Variants in DNAH2 observed in about 807,000 individuals in gnomAD.
DNAH2 encodes the protein dynein axonemal heavy chain 2, also known as axonemal beta dynein heavy chain 2.
DNAH2 carries 323 observed loss-of-function variants against 523.5 expected under a neutral mutation model. That is an observed-to-expected ratio of 0.62 (90% confidence interval 0.56 to 0.68). The LOEUF (loss-of-function observed/expected upper bound fraction) is 0.68, where lower values mean the gene tolerates loss of function less well. DNAH2 is among the 30% of genes least tolerant of loss of function. DNAH2 has a pLI of 0.00. For synonymous variants in DNAH2, 2,093 were observed against 2,177.4 expected, an observed-to-expected ratio of 0.96 and a Z score of 1.08; for missense variants, 4,907 against 5,701.5, an observed-to-expected ratio of 0.86 and a Z score of 4.49.
chr17:7,824,554 G>T lies in DNAH2; in HGVS notation c.11680G>T (p.Ala3894Ser). ...GVTQGHWVFL[A>S]NCHLSLSWMP... ...CCTTGCAGGACACTGGGTGTTCCTG[G>T]CAAACTGCCACCTGTCACTGTCTTG... Residue 3894 changes from alanine (A) to serine (S), a missense_variant, in exon 77 of 86, where the codon GCA becomes TCA. Ala to Ser is a moderately conservative substitution (Grantham distance 99, BLOSUM62 1). Coordinates refer to ENST00000572933, the MANE Select transcript of DNAH2 (RefSeq NM_020877.5). The T allele has an allele frequency of 6.4e-7, 1 of 1,565,556 alleles. No individual in the cohort carries two copies. The highest frequency in any genetic ancestry group is 8.7e-7 in the Non-Finnish European group (1 of 1,148,144).
At chr17:7,772,394 G>T (rs544167141) in intron 28 of DNAH2, among the ~76,000 whole-genome samples, 1 of 152,270 alleles carries the variant, frequency 6.6e-6, no homozygotes, top group South Asian at 2.1e-4. Flanking sequence ...TGAAATAATT[G>T]ACAGAATTAT....
At position 7,786,501 on chromosome 17, in the gene DNAH2, GA is replaced by G; in HGVS notation, c.6349-68del. Reference sequence around the variant, plus strand: ...AGAAGGGACAAATGCACGTACCTAAGAGGGGTCTGGAAATAAAGAGGGGTTT... The same window carrying G: ...AGAAGGGACAAATGCACGTACCTAAGGGGGTCTGGAAATAAAGAGGGGTTT... On this transcript the variant is annotated intron_variant, in intron 40 of 85. Coordinates refer to ENST00000572933, the MANE Select transcript of DNAH2 (RefSeq NM_020877.5). The surrounding 1 kb of genome is among the most constrained non-coding windows in gnomAD (Gnocchi z 7.5). The G allele has an allele frequency of 6.6e-7, 1 of 1,507,848 alleles. No individual in the cohort carries two copies. The highest frequency in any genetic ancestry group is 1.2e-5 in the South Asian group (1 of 86,922). 93.4% of individuals were successfully genotyped at this position (1,507,848 alleles called of 1,614,324 possible).
chr17:7,719,850 C>G lies in DNAH2; in HGVS notation c.116C>G (p.Pro39Arg). The change falls in exon 2 of 86, where the codon CCG (proline) becomes CGG (arginine). Residue 39 changes from proline (P) to arginine (R), a missense_variant. Pro to Arg is a moderately radical substitution (Grantham distance 103, BLOSUM62 -2). This residue lies in a region of DNAH2 where 2,806 missense variants were observed against 3,190.8 expected (regional missense o/e 0.88). Coordinates refer to ENST00000572933, the MANE Select transcript of DNAH2 (RefSeq NM_020877.5). ...GCCACACAGGAGCAGGGGAATGCCC[C>G]GGCTGTCAGTGAGCCAGAGCTGCAG... is the stretch of plus-strand genomic sequence containing the variant. ...AVATQEQGNA[P>R]AVSEPELQAE... is the part of the protein sequence containing the mutation. 1 of 1,600,498 alleles carries G rather than the reference C, an allele frequency of 6.2e-7. No individual in the cohort carries two copies. Among genetic ancestry groups the G allele is most frequent in the Non-Finnish European group, 8.5e-7 (1 of 1,173,130 alleles).
intron 56 of DNAH2, among the ~76,000 whole-genome samples, chr17:7,800,108 G>C (rs2077181847): frequency 6.6e-6 from 1 of 152,186 alleles, no homozygotes; most frequent in African/African-American, 2.4e-5. Context: ...CTGGAGTGCA[G>C]TGCTGTGATC....
intron 16 of DNAH2, 70 bp from the exon 17 acceptor site, chr17:7,759,721 C>A (rs915277607): frequency 1.2e-6 from 2 of 1,605,928 alleles, no homozygotes; most frequent in East Asian, 4.5e-5. Flanking sequence ...GGCCTTCAGA[C>A]CTGCTGCTGA....
At position 7,775,545 on chromosome 17, in the gene DNAH2, C is replaced by T. The variant is rs1210185356; in HGVS notation, c.4821+203C>T. The stretch of plus-strand genomic sequence containing the variant: ...TGCTAAAAATACAAAATTAGGTGGG[C>T]GCGGTGGCGCATGCTGGTAATCCCA... On this transcript the variant is annotated intron_variant, in intron 30 of 85. Coordinates refer to ENST00000572933, the MANE Select transcript of DNAH2 (RefSeq NM_020877.5). 6.6e-6 allele frequency among the ~76,000 whole-genome samples: 1 copy of T among 151,980 alleles called. No individual in the cohort carries two copies. Among genetic ancestry groups the T allele is most frequent in the Non-Finnish European group, 1.5e-5 (1 of 67,986 alleles).
intron 12 of DNAH2, among the ~76,000 whole-genome samples, chr17:7,746,944 G>A (rs191705895): frequency 1.4e-4 from 21 of 150,142 alleles, no homozygotes; most frequent in African/African-American, 2.7e-4. Flanking sequence ...CCGAGAATGC[G>A]CCATTGCACT....
chr17:7,791,466 C>A (rs975567350), intron 44 of DNAH2, among the ~76,000 whole-genome samples: 1 of 152,190 alleles, frequency 6.6e-6, no homozygotes, highest in Non-Finnish European at 1.5e-5. Context: ...TATTACTACA[C>A]GTAGATTCAT....
intron 11 of DNAH2, among the ~76,000 whole-genome samples, chr17:7,742,258 T>C (rs1316541619): frequency 1.3e-5 from 2 of 151,982 alleles, no homozygotes; most frequent in African/African-American, 4.8e-5. Flanking sequence ...GGTGAGACCC[T>C]GTCTCTACTA....
chr17:7,810,448 G>A (rs1050430309), intron 63 of DNAH2, among the ~76,000 whole-genome samples: 2 of 152,100 alleles, frequency 1.3e-5, no homozygotes, highest in African/African-American at 4.8e-5. Flanking sequence ...GAGCACGGTG[G>A]TGCGATCCCA....
At chr17:7,804,178 G>C in intron 58 of DNAH2, 78 bp from the exon 59 acceptor site, 1 of 1,458,966 alleles carries the variant, frequency 6.9e-7, no homozygotes, top group Non-Finnish European at 9.4e-7. Flanking sequence ...CGAGACACAC[G>C]GGGAAGGTGG....
Position 7,723,265 on chromosome 17 carries a change from C to T in DNAH2, c.167-363C>T, listed in dbSNP as rs1290846456. 1.0e-4 allele frequency among the ~76,000 whole-genome samples: 12 copies of T among 120,180 alleles called. No individual in the cohort carries two copies. The East Asian group carries it at 1.8e-3, about 18-fold the overall frequency. 78.8% of individuals were successfully genotyped at this position (120,180 alleles called of 152,430 possible). On this transcript the variant is annotated intron_variant, in intron 2 of 85. Coordinates refer to ENST00000572933, the MANE Select transcript of DNAH2 (RefSeq NM_020877.5). ...GATTACAGGTGTGAGCCACTGTACC[C>T]GGCTTTTTTTTTTTTTTTTTTTTTT...
In DNAH2 at chr17:7,786,473, G is replaced by A; in HGVS notation, c.6349-97G>A. 1 of 1,472,734 alleles carries A rather than the reference G, an allele frequency of 6.8e-7. No homozygotes were observed. The highest frequency in any genetic ancestry group is 1.2e-5 in the South Asian group (1 of 82,992). 91.2% of individuals were successfully genotyped at this position (1,472,734 alleles called of 1,614,324 possible). On this transcript the variant is annotated intron_variant, in intron 40 of 85. Transcript: ENST00000572933. This position sits in a 1 kb window ranked among gnomAD's most constrained non-coding sequence, Gnocchi z 7.5. ...TGGGACCATGGTGGCCTGGAGCGAT[G>A]AGAGAAGGGACAAATGCACGTACCT... is the stretch of plus-strand genomic sequence containing the variant.
At chr17:7,753,776 T>C (rs1206947007) in intron 12 of DNAH2, among the ~76,000 whole-genome samples, 1 of 151,954 alleles carries the variant, frequency 6.6e-6, no homozygotes, top group East Asian at 1.9e-4. Context: ...GACGAAACCC[T>C]GTCTCTACTA....
chr17:7,744,996 CTT>C (rs1048980024), intron 12 of DNAH2, among the ~76,000 whole-genome samples: 1 of 145,612 alleles, frequency 6.9e-6, no homozygotes. Flanking sequence ...CTTTACATTT[CTT>C]TTTTTTTTTT....
chr17:7,833,458 C>G lies in DNAH2; in HGVS notation c.13209C>G (p.Asp4403Glu), dbSNP rs1339349025. Residue 4403 changes from aspartate to glutamate, a missense_variant, in exon 86 of 86, where the codon GAC becomes GAG. By Grantham distance (45) the Asp-to-Glu change is conservative. Transcript: ENST00000572933. ...SDRASFVIGI[D>E]LRSGAMTPDH... ...GAGCCTCCTTTGTCATCGGCATTGA[C>G]CTGCGGTCTGGGGCCATGACACCTG... is the stretch of plus-strand genomic sequence containing the variant. 1.2e-6 allele frequency: 2 copies of G among 1,614,180 alleles called. No homozygotes were observed. The highest frequency in any genetic ancestry group is 4.5e-5 in the East Asian group (2 of 44,870).
chr17:7,771,056 A>G (rs988165761), intron 27 of DNAH2, 123 bp downstream of exon 27: 2 of 1,134,662 alleles, frequency 1.8e-6, no homozygotes, highest in African/African-American at 3.1e-5. Flanking sequence ...TTCATCTAGG[A>G]CCCAGCTGTC....
Position 7,798,645 on chromosome 17 carries a change from T to C in DNAH2, c.8486T>C (p.Phe2829Ser), listed in dbSNP as rs772343026. 5 of 1,614,088 alleles carry C rather than the reference T, an allele frequency of 3.1e-6. No homozygotes were observed. The highest frequency in any genetic ancestry group is 4.2e-6 in the Non-Finnish European group (5 of 1,180,018). Reference sequence around the variant, plus strand: ...GACACCCAAATAGCTGATGAGTCCTTCCTAGAGGACATCAACAACATCCTC... The same window carrying C: ...GACACCCAAATAGCTGATGAGTCCTCCCTAGAGGACATCAACAACATCCTC... ...FVDTQIADES[F>S]LEDINNILSS... Residue 2829 changes from phenylalanine (F) to serine (S), a missense_variant, in exon 55 of 86, where the codon TTC becomes TCC. Around this residue, in one of 3 missense-constraint regions of DNAH2, gnomAD observed 1,851 missense variants for 2,139.4 expected, o/e 0.87. Transcript: ENST00000572933. This position sits in a 1 kb window ranked among gnomAD's most constrained non-coding sequence, Gnocchi z 5.5.
At chr17:7,793,426 G>A (rs1054197804) in intron 48 of DNAH2, among the ~76,000 whole-genome samples, 1 of 149,570 alleles carries the variant, frequency 6.7e-6, no homozygotes, top group Non-Finnish European at 1.5e-5. Context: ...TTGTTTGCCT[G>A]CTTGCTTTTT....
Sources: gnomAD v4.1 joint callset for allele counts (sites outside exome capture counted in the v4.1 genomes callset) on GRCh38, gnomAD v4.1.1 for gene constraint, gnomAD v4.1.1 regional missense constraint, Gnocchi (gnomAD v3.1) non-coding constraint, MANE v1.5 for transcripts, NCBI Gene and HGNC (gene_info 2026-07-23, HGNC 2026-07-21) for gene names.